The following CACNA1C variants were observed in gnomAD, a reference collection of about 807,000 sequenced individuals.
The protein encoded by CACNA1C is voltage-dependent L-type calcium channel subunit alpha-1C.
Under a neutral mutation model 229.0 loss-of-function variants are expected in CACNA1C, and 30 were observed. The ratio of observed to expected loss-of-function variants is 0.13; its 90% CI spans 0.10 to 0.18. The LOEUF is 0.18. Ranked by LOEUF, CACNA1C falls within the 10% of genes least tolerant of loss-of-function variation. The pLI is 1.00. For synonymous variants in CACNA1C, 1,114 were observed against 1,132.5 expected (o/e 0.98, Z 0.33); for missense variants, 1,658 against 2,845.0 (o/e 0.58, Z 9.49).
At chr12:2,470,782 T>G (rs1017911275) in intron 5 of CACNA1C, among the ~76,000 whole-genome samples, 1 of 152,172 alleles carries the variant, frequency 6.6e-6, no homozygotes, top group African/African-American at 2.4e-5. Context: ...TCCAACTCCC[T>G]ATCTGTCTAC....
rs190711628 is a variant in CACNA1C, at chr12:2,067,853, C to T, written c.49+14242C>T. Among the ~76,000 whole-genome samples, 18 of 152,308 alleles carry T rather than the reference C, an allele frequency of 1.2e-4. No individual in the cohort carries two copies. Among genetic ancestry groups the T allele is most frequent in the Middle Eastern group, 3.4e-3 (1 of 294 alleles). ...ACCTTCACACTGTTCCCACCCCTGT[C>T]TTTCCATGCCCTTCCATCCAAACCA... On this transcript the variant is annotated intron_variant, in intron 1 of 46. Transcript: ENST00000399655. This position sits in a 1 kb window ranked among gnomAD's most constrained non-coding sequence, Gnocchi z 5.3.
intron 3 of CACNA1C, among the ~76,000 whole-genome samples, chr12:2,210,787 A>G (rs907599768): frequency 1.3e-5 from 2 of 152,220 alleles, no homozygotes; most frequent in Non-Finnish European, 2.9e-5. Context: ...TTTCTTGATC[A>G]TCTGCCAGGA....
intron 29 of CACNA1C, among the ~76,000 whole-genome samples, chr12:2,631,926 G>A (rs2090590295): frequency 6.6e-6 from 1 of 152,186 alleles, no homozygotes; most frequent in South Asian, 2.1e-4. Flanking sequence ...CTGGGAAGTG[G>A]GAAGTTAAGG....
intron 1 of CACNA1C, among the ~76,000 whole-genome samples, chr12:2,040,596 CAATT>C (rs1283456967): frequency 2.6e-5 from 4 of 152,168 alleles, no homozygotes; most frequent in African/African-American, 4.8e-5. Flanking sequence ...TTCAAATAGA[CAATT>C]AATTCTTACA....
chr12:2,191,614 G>A (rs906859095), intron 3 of CACNA1C, among the ~76,000 whole-genome samples: 3 of 150,186 alleles, frequency 2.0e-5, no homozygotes, highest in Non-Finnish European at 4.4e-5. Context: ...ATGCGCTCAG[G>A]CACACATGCA....
chr12:2,236,664 C>A (rs2067500256), intron 3 of CACNA1C, among the ~76,000 whole-genome samples: 1 of 152,258 alleles, frequency 6.6e-6, no homozygotes, highest in East Asian at 1.9e-4. Flanking sequence ...CACACCCCAG[C>A]AGTGTGCAAG....
chr12:2,333,622 G>T (rs2096612901), intron 3 of CACNA1C, among the ~76,000 whole-genome samples: 1 of 152,180 alleles, frequency 6.6e-6, no homozygotes, highest in Non-Finnish European at 1.5e-5. Flanking sequence ...CTGACCCCTT[G>T]TTCTCCGTCA....
At chr12:2,471,778 G>T (rs923194841) in intron 5 of CACNA1C, among the ~76,000 whole-genome samples, 2 of 152,132 alleles carry the variant, frequency 1.3e-5, no homozygotes, top group Admixed American at 1.3e-4. Context: ...CGCCTCCTGG[G>T]TTCAAGCAAT....
chr12:2,362,526 A>G (rs1745410591), intron 3 of CACNA1C, among the ~76,000 whole-genome samples: 1 of 152,080 alleles, frequency 6.6e-6, no homozygotes, highest in South Asian at 2.1e-4. Flanking sequence ...TTATTTCAAG[A>G]CCACACAGTT....
At chr12:2,180,224 A>G (rs182081137) in intron 3 of CACNA1C, among the ~76,000 whole-genome samples, 8 of 152,108 alleles carry the variant, frequency 5.3e-5, no homozygotes, top group Admixed American at 5.2e-4. Context: ...AACACCACAC[A>G]CTCTTAAGTG....
At chr12:2,073,016 A>T (rs1411243294) in intron 1 of CACNA1C, among the ~76,000 whole-genome samples, 1 of 152,140 alleles carries the variant, frequency 6.6e-6, no homozygotes, top group Non-Finnish European at 1.5e-5. Flanking sequence ...GCTAGAGCGG[A>T]CAGTGGGGCC....
chr12:2,307,712 G>A (rs1392209870), intron 3 of CACNA1C, among the ~76,000 whole-genome samples: 1 of 152,192 alleles, frequency 6.6e-6, no homozygotes, highest in Non-Finnish European at 1.5e-5. Context: ...AGCTTTTCCT[G>A]CTCTCAGGTG....
intron 3 of CACNA1C, among the ~76,000 whole-genome samples, chr12:2,413,418 A>G (rs898025436): frequency 1.3e-5 from 2 of 151,998 alleles, no homozygotes; most frequent in Non-Finnish European, 2.9e-5. Flanking sequence ...CCCTCCCCCA[A>G]CACTCTTCCC....
chr12:2,112,039 CAT>C (rs2081968595), intron 1 of CACNA1C, among the ~76,000 whole-genome samples: 1 of 152,186 alleles, frequency 6.6e-6, no homozygotes. Flanking sequence ...TACACGAGCA[CAT>C]GTGTGCGTGC....
chr12:2,054,666 CT>C lies in CACNA1C; in HGVS notation c.49+1058del, dbSNP rs3842652. ...GTGCAGACAGGGTGGTCCAGCGGGG[CT>C]TTCTGGCAACCTCCAGGCATGACAT... On this transcript the variant is annotated intron_variant, in intron 1 of 46. Transcript: ENST00000399655. This position sits in a 1 kb window ranked among gnomAD's most constrained non-coding sequence, Gnocchi z 5.5. Among the ~76,000 whole-genome samples the C allele has an allele frequency of 0.1, 15,926 of 152,184 alleles. 1,497 individuals carry two copies. The highest frequency in any genetic ancestry group is 0.47 in the East Asian group (2,442 of 5,158).
chr12:2,585,848 A>T lies in CACNA1C; in HGVS notation c.2474A>T (p.Asp825Val). ...SPPATKINMD[D>V]LQPNENEDKS... ...GTGACTGTCTAGATCAACATGGATG[A>T]CCTCCAGCCCAATGAAAATGAGGAT... Residue 825 changes from aspartate to valine, a missense_variant, in exon 18 of 47, where the codon GAC becomes GTC. By Grantham distance (152) the Asp-to-Val change is radical. Transcript: ENST00000399655. The surrounding 1 kb of genome is among the most constrained non-coding windows in gnomAD (Gnocchi z 4.1). 1 of 1,608,824 alleles carries T rather than the reference A, an allele frequency of 6.2e-7. No homozygotes were observed. Among genetic ancestry groups the T allele is most frequent in the Non-Finnish European group, 8.5e-7 (1 of 1,177,248 alleles).
intron 3 of CACNA1C, among the ~76,000 whole-genome samples, chr12:2,151,262 A>ATT (rs113212437): frequency 0.021 from 3,149 of 147,648 alleles, 105 homozygotes; most frequent in African/African-American, 0.074. Context: ...GCACAGTAAG[A>ATT]TTTTTTTTTT....
intron 3 of CACNA1C, among the ~76,000 whole-genome samples, chr12:2,430,986 T>C (rs1322692032): frequency 6.6e-6 from 1 of 152,178 alleles, no homozygotes; most frequent in East Asian, 1.9e-4. Context: ...CTGTCTCTCC[T>C]CACCCGCTCT....
intron 12 of CACNA1C, among the ~76,000 whole-genome samples, 177 bp from the exon 13 acceptor site, chr12:2,567,392 C>T (rs1257493798): frequency 2.0e-5 from 3 of 152,184 alleles, no homozygotes; most frequent in East Asian, 1.9e-4. Context: ...ATGATTGTGA[C>T]GAGAGAGCCC....
Sources: allele counts gnomAD v4.1 joint callset (sites outside exome capture counted in the v4.1 genomes callset), GRCh38; gene constraint gnomAD v4.1.1; non-coding constraint Gnocchi (gnomAD v3.1); transcripts MANE v1.5; gene names NCBI Gene and HGNC (gene_info 2026-07-23, HGNC 2026-07-21).